The following APBA1 variants were observed in gnomAD, a reference collection of about 807,000 sequenced individuals.
The protein encoded by APBA1 is amyloid-beta A4 precursor protein-binding family A member 1.
Under a neutral mutation model 86.6 loss-of-function variants are expected in APBA1, and 55 were observed. That is an observed-to-expected ratio of 0.64 (90% CI 0.51 to 0.80). APBA1 has a LOEUF of 0.80. APBA1 is among the 30% of genes least tolerant of loss of function. The pLI, the probability that APBA1 is intolerant of heterozygous loss-of-function variation, is 0.00. For synonymous variants in APBA1, 511 were observed against 493.9 expected (o/e 1.03, Z -0.46); for missense variants, 1,090 against 1,183.0 (o/e 0.92, Z 1.15).
chr9:69,601,616 A>G (rs1822351052), intron 1 of APBA1, among the ~76,000 whole-genome samples: 2 of 152,256 alleles, frequency 1.3e-5, no homozygotes, highest in Non-Finnish European at 2.9e-5. Flanking sequence ...TCTGCAGAGT[A>G]ACAGATTCAT....
At chr9:69,515,267 A>C (rs1445328773) in intron 2 of APBA1, among the ~76,000 whole-genome samples, 1 of 152,110 alleles carries the variant, frequency 6.6e-6, no homozygotes, top group East Asian at 1.9e-4. Flanking sequence ...CGATCAGCTG[A>C]ACTGCTTGCT....
chr9:69,525,259 G>C (rs1025026014), intron 1 of APBA1, among the ~76,000 whole-genome samples: 1 of 152,068 alleles, frequency 6.6e-6, no homozygotes, highest in African/African-American at 2.4e-5. Context: ...CTAATTAAAG[G>C]CATCAAAATA....
chr9:69,605,328 T>C (rs1822451434), intron 1 of APBA1, among the ~76,000 whole-genome samples: 1 of 152,134 alleles, frequency 6.6e-6, no homozygotes, highest in Admixed American at 6.5e-5. Context: ...ATGCATAAGA[T>C]TATAAATACC....
At chr9:69,617,821 T>C (rs1339097197) in intron 1 of APBA1, among the ~76,000 whole-genome samples, 1 of 152,124 alleles carries the variant, frequency 6.6e-6, no homozygotes, top group Non-Finnish European at 1.5e-5. Context: ...TTATGTACAC[T>C]CACACTGTTG....
chr9:69,560,933 C>A (rs1391482115), intron 1 of APBA1, among the ~76,000 whole-genome samples: 1 of 152,078 alleles, frequency 6.6e-6, no homozygotes, highest in Non-Finnish European at 1.5e-5. Flanking sequence ...ATTCATCTAC[C>A]TAGGGATCAG....
chr9:69,572,209 C>A (rs1192338299), intron 1 of APBA1, among the ~76,000 whole-genome samples: 1 of 152,150 alleles, frequency 6.6e-6, no homozygotes, highest in East Asian at 1.9e-4. Flanking sequence ...GCCCAGAATG[C>A]ATTAGCTATT....
chr9:69,488,321 T>A (rs528430094), intron 2 of APBA1, among the ~76,000 whole-genome samples: 3 of 152,148 alleles, frequency 2.0e-5, no homozygotes, highest in Admixed American at 6.5e-5. Flanking sequence ...TTCACTGACT[T>A]TTTTTGAAAA....
chr9:69,606,093 T>A (rs1232831788), intron 1 of APBA1, among the ~76,000 whole-genome samples: 1 of 152,184 alleles, frequency 6.6e-6, no homozygotes, highest in African/African-American at 2.4e-5. Context: ...CTCACTAGAT[T>A]TTATACCCAA....
chr9:69,610,470 G>A (rs1822565375), intron 1 of APBA1, among the ~76,000 whole-genome samples: 1 of 152,046 alleles, frequency 6.6e-6, no homozygotes, highest in Non-Finnish European at 1.5e-5. Flanking sequence ...ATTTTGTCAG[G>A]TTCTGTATGC....
At chr9:69,633,114 C>T (rs1435077097) in intron 1 of APBA1, among the ~76,000 whole-genome samples, 1 of 146,976 alleles carries the variant, frequency 6.8e-6, no homozygotes, top group Non-Finnish European at 1.5e-5. Flanking sequence ...GTAACTGTGT[C>T]TTTTATTTTA....
At chr9:69,560,412 G>C (rs752190595) in intron 1 of APBA1, among the ~76,000 whole-genome samples, 5 of 152,144 alleles carry the variant, frequency 3.3e-5, no homozygotes, top group African/African-American at 4.8e-5. Context: ...TCTTAACTAA[G>C]AGCAAGAGCC....
intron 1 of APBA1, among the ~76,000 whole-genome samples, chr9:69,521,211 G>C (rs1836246307): frequency 6.6e-6 from 1 of 152,104 alleles, no homozygotes; most frequent in Non-Finnish European, 1.5e-5. Context: ...TCTAGCTCTG[G>C]GGTCTGGGCT....
chr9:69,542,853 T>C (rs370077066), intron 1 of APBA1, among the ~76,000 whole-genome samples: 1 of 152,310 alleles, frequency 6.6e-6, no homozygotes. Context: ...TTCACCCTAG[T>C]TGTATTTCGT....
chr9:69,546,665 T>C (rs1836703159), intron 1 of APBA1, among the ~76,000 whole-genome samples: 1 of 152,198 alleles, frequency 6.6e-6, no homozygotes, highest in African/African-American at 2.4e-5. Flanking sequence ...TAAATACACA[T>C]GGTGGGCAAA....
intron 1 of APBA1, among the ~76,000 whole-genome samples, chr9:69,529,313 C>A (rs1384415735): frequency 6.6e-6 from 1 of 152,104 alleles, no homozygotes; most frequent in South Asian, 2.1e-4. Flanking sequence ...ACAAAATCCA[C>A]TAAGCAACTA....
intron 1 of APBA1, among the ~76,000 whole-genome samples, chr9:69,574,785 A>C (rs561703174): frequency 2.6e-4 from 39 of 152,166 alleles, no homozygotes; most frequent in Non-Finnish European, 5.6e-4. Context: ...CAAAAAGACT[A>C]TTTGCAATAT....
Position 69,494,747 on chromosome 9 carries a change from C to A in APBA1, c.1201-18604G>T, listed in dbSNP as rs564456135. On this transcript the variant is annotated intron_variant, in intron 2 of 12. Transcript: ENST00000265381. ...CTCTGTGGGAGAGAAAAACCAAAAC[C>A]ACTTTTAATTCCTATTAAGAGATAT... Among the ~76,000 whole-genome samples the A allele has an allele frequency of 4.6e-5, 7 of 152,196 alleles. No homozygotes were observed. In the East Asian group the frequency reaches 1.2e-3, roughly 25 times the overall value.
chr9:69,671,862 C>G (rs1161694664), intron 1 of APBA1, among the ~76,000 whole-genome samples: 1 of 152,186 alleles, frequency 6.6e-6, no homozygotes, highest in Non-Finnish European at 1.5e-5. Flanking sequence ...CTCACACACT[C>G]ACTCCTGCCA....
chr9:69,589,894 G>A (rs1009544273), intron 1 of APBA1, among the ~76,000 whole-genome samples: 6 of 152,088 alleles, frequency 3.9e-5, no homozygotes, highest in Admixed American at 3.9e-4. Flanking sequence ...GAGAAATGAT[G>A]GTACTGAATT....
Sources: gnomAD v4.1 joint callset for allele counts (sites outside exome capture counted in the v4.1 genomes callset) on GRCh38, gnomAD v4.1.1 for gene constraint, MANE v1.5 for transcripts, NCBI Gene and HGNC (gene_info 2026-07-23, HGNC 2026-07-21) for gene names.